Variants in PNKD observed in about 807,000 individuals in gnomAD.
PNKD encodes the protein probable thioesterase PNKD.
Under a neutral mutation model 45.3 loss-of-function variants are expected in PNKD, and 36 were observed. That is an observed-to-expected ratio of 0.80 (90% CI 0.61 to 1.05). PNKD has a LOEUF of 1.05. Ranked by LOEUF, PNKD falls within the 50% of genes least tolerant of loss-of-function variation. PNKD has a pLI of 0.00. For synonymous variants in PNKD, 197 were observed against 210.1 expected (o/e 0.94, Z 0.54); for missense variants, 511 against 506.6 (o/e 1.01, Z -0.08).
In PNKD at chr2:218,343,463, C is replaced by T. The variant is rs1694739801; in HGVS notation, c.782-37C>T. On this transcript the variant is annotated intron_variant, in intron 7 of 9. Coordinates refer to ENST00000273077, the MANE Select transcript of PNKD (RefSeq NM_015488.5). Reference sequence around the variant, plus strand: ...GTGCCTTATGCCATATTGTGTTATCCTGGCACCTTGTGACATACCCTCCAA... The same window carrying T: ...GTGCCTTATGCCATATTGTGTTATCTTGGCACCTTGTGACATACCCTCCAA... The T allele has an allele frequency of 2.6e-6, 4 of 1,512,294 alleles. No homozygotes were observed. In the South Asian group the frequency reaches 3.4e-5, roughly 13 times the overall value. 93.7% of individuals were successfully genotyped at this position (1,512,294 alleles called of 1,614,324 possible). A position where few individuals can be genotyped will look rare whatever the true frequency, so the allele number is the denominator to read the frequency against.
intron 2 of PNKD, among the ~76,000 whole-genome samples, chr2:218,307,684 C>G (rs1693458340): frequency 6.6e-6 from 1 of 152,224 alleles, no homozygotes; most frequent in African/African-American, 2.4e-5. Flanking sequence ...TTGGGGACCC[C>G]TACCGTGGGG....
intron 2 of PNKD, among the ~76,000 whole-genome samples, chr2:218,325,673 A>G (rs1694131044): frequency 6.6e-6 from 1 of 152,216 alleles, no homozygotes; most frequent in Non-Finnish European, 1.5e-5. Context: ...TCCATAAGGA[A>G]CTGGAATCAG....
rs1479188870 is a variant in PNKD, at chr2:218,346,792, G to A, written c.*1811G>A. ...TTGAATGAATGAATGATTTAATCAA[G>A]ACTTGATCACCCAACAGCTTGTCTT... On this transcript the variant is annotated 3_prime_UTR_variant, in exon 10 of 10. Transcript: ENST00000273077. 1 of 153,954 alleles carries A rather than the reference G, an allele frequency of 6.5e-6. No individual in the cohort carries two copies. Among genetic ancestry groups the A allele is most frequent in the Non-Finnish European group, 1.5e-5 (1 of 68,058 alleles). The allele number at this position is 153,954 out of a possible 1,614,324, so 9.5% of individuals were successfully genotyped here.
intron 2 of PNKD, chr2:218,292,655 A>T (rs1246786597): frequency 1.3e-5 from 2 of 152,120 alleles, no homozygotes; most frequent in Non-Finnish European, 2.9e-5. Flanking sequence ...AGCCCCGACG[A>T]CGCCTCACTA....
At position 218,346,421 on chromosome 2, in the gene PNKD, C is replaced by G. The variant is rs147528375; in HGVS notation, c.*1440C>G. ...TAGTTAGAGTTCCCCACTCACCAAG[C>G]AAGACATGCAGTTTCATGCCTCTGT... On this transcript the variant is annotated 3_prime_UTR_variant, in exon 10 of 10. Coordinates refer to ENST00000273077, the MANE Select transcript of PNKD (RefSeq NM_015488.5). The G allele has an allele frequency of 1.3e-5, 2 of 153,888 alleles. No individual in the cohort carries two copies. The highest frequency in any genetic ancestry group is 1.9e-4 in the East Asian group (1 of 5,188). 9.5% of individuals were successfully genotyped at this position (153,888 alleles called of 1,614,324 possible). A position where few individuals can be genotyped will look rare whatever the true frequency, so the allele number is the denominator to read the frequency against.
At chr2:218,310,458 G>A (rs998688448) in intron 2 of PNKD, among the ~76,000 whole-genome samples, 4 of 151,678 alleles carry the variant, frequency 2.6e-5, no homozygotes, top group African/African-American at 9.7e-5. Flanking sequence ...TCCTGACCTT[G>A]TTATCCCCCC....
chr2:218,289,005 GAT>G (rs1692738819), intron 2 of PNKD, among the ~76,000 whole-genome samples: 2 of 152,210 alleles, frequency 1.3e-5, no homozygotes, highest in Non-Finnish European at 2.9e-5. Flanking sequence ...AAACAGCAGA[GAT>G]GAGTTTAAGC....
At chr2:218,277,961 A>G (rs1277416155) in intron 2 of PNKD, 3 of 1,614,222 alleles carry the variant, frequency 1.9e-6, no homozygotes, top group Non-Finnish European at 2.5e-6. Context: ...ATGATGTTCC[A>G]TGGGAAACGG....
At chr2:218,334,107 T>C (rs1368586235) in intron 2 of PNKD, among the ~76,000 whole-genome samples, 1 of 151,308 alleles carries the variant, frequency 6.6e-6, no homozygotes, top group African/African-American at 2.4e-5. Flanking sequence ...AGAGCAAGTC[T>C]CAGTCTAAAA....
chr2:218,271,447 G>A lies in PNKD; in HGVS notation c.134G>A (p.Ser45Asn). ...AGGACCCGGGCCCTGCAAAGCCACA[G>A]CTCCCCAGAGGGCAAGGAGGAACCT... Reference protein sequence around the residue: ...HNRTRALQSHSSPEGKEEPEP... With the variant: ...HNRTRALQSHNSPEGKEEPEP... Residue 45 changes from serine (S) to asparagine (N), a missense_variant, in exon 2 of 10, where the codon AGC becomes AAC. Ser to Asn is a conservative substitution (Grantham distance 46, BLOSUM62 1). Coordinates refer to ENST00000273077, the MANE Select transcript of PNKD (RefSeq NM_015488.5). 6.2e-7 allele frequency: 1 copy of A among 1,614,116 alleles called. No individual in the cohort carries two copies. The highest frequency in any genetic ancestry group is 2.2e-5 in the East Asian group (1 of 44,886).
At chr2:218,277,404 C>A in intron 2 of PNKD, 2 of 1,614,140 alleles carry the variant, frequency 1.2e-6, no homozygotes, top group Non-Finnish European at 8.5e-7. Context: ...GAAATGGATA[C>A]CACCGCAGTG....
In PNKD at chr2:218,312,667, G is replaced by C. The variant is rs113659191; in HGVS notation, c.237-27116G>C. Among the ~76,000 whole-genome samples the C allele has an allele frequency of 1.9e-3, 291 of 151,868 alleles. 1 individual carries two copies. The highest frequency in any genetic ancestry group is 6.8e-3 in the African/African-American group (282 of 41,424). ...GTAGGTGGATCCCCTGAGCTCAGAAGTTCGAGACCAGCCTTGCCAACATGG... is the reference window on the plus strand; with the variant it reads ...GTAGGTGGATCCCCTGAGCTCAGAACTTCGAGACCAGCCTTGCCAACATGG... On this transcript the variant is annotated intron_variant, in intron 2 of 9. Coordinates refer to ENST00000273077, the MANE Select transcript of PNKD (RefSeq NM_015488.5).
chr2:218,281,277 A>C (rs1325403467), intron 2 of PNKD, among the ~76,000 whole-genome samples: 1 of 151,424 alleles, frequency 6.6e-6, no homozygotes, highest in Non-Finnish European at 1.5e-5. Flanking sequence ...CTGGGATTAC[A>C]GGTGCACGCC....
In PNKD at chr2:218,344,894, GCCGGGCCCCACTGGGGATGATGACTACTC is replaced by G; in HGVS notation, c.1080_1108del (p.Thr361AlafsTer44). The stretch of plus-strand genomic sequence containing the variant: ...CGCTACAGGAGGCTCTGGGGCCGGG[GCCGGGCCCCACTGGGGATGATGACTACTC>G]CCGGGCCCAGCTCCTGGAAGAGCTC... On this transcript the variant is annotated frameshift_variant, in exon 10 of 10. Transcript: ENST00000273077. LOFTEE classifies it high-confidence loss of function. 1 of 1,613,550 alleles carries G rather than the reference GCCGGGCCCCACTGGGGATGATGACTACTC, an allele frequency of 6.2e-7. No homozygotes were observed. The highest frequency in any genetic ancestry group is 8.5e-7 in the Non-Finnish European group (1 of 1,179,482).
intron 2 of PNKD, among the ~76,000 whole-genome samples, chr2:218,305,210 C>G (rs1222569486): frequency 3.9e-5 from 6 of 152,156 alleles, no homozygotes; most frequent in African/African-American, 1.4e-4. Context: ...GTTCTTCCTT[C>G]CCACACAACA....
At chr2:218,295,584 T>TA (rs1693122521) in intron 2 of PNKD, among the ~76,000 whole-genome samples, 1 of 151,442 alleles carries the variant, frequency 6.6e-6, no homozygotes, top group South Asian at 2.1e-4. Context: ...GCAAGGGACT[T>TA]AGGGCCAGTT....
intron 2 of PNKD, chr2:218,323,248 G>A (rs755428744): frequency 5.4e-5 from 79 of 1,468,974 alleles, no homozygotes; most frequent in Non-Finnish European, 5.9e-5. Flanking sequence ...CCGCCCGGCC[G>A]GCGCGTGCCT....
At chr2:218,296,316 A>C (rs1013883926) in intron 2 of PNKD, among the ~76,000 whole-genome samples, 2 of 152,194 alleles carry the variant, frequency 1.3e-5, no homozygotes. Flanking sequence ...CCATGGCTGC[A>C]GGAAGAGGGG....
intron 2 of PNKD, among the ~76,000 whole-genome samples, chr2:218,295,977 C>A (rs1445990243): frequency 6.6e-6 from 1 of 151,792 alleles, no homozygotes; most frequent in Non-Finnish European, 1.5e-5. Context: ...TCTCAAGTAG[C>A]TGGGACTACA....
Sources: gnomAD v4.1 joint callset for allele counts (sites outside exome capture counted in the v4.1 genomes callset) on GRCh38, gnomAD v4.1.1 for gene constraint, MANE v1.5 for transcripts, NCBI Gene and HGNC (gene_info 2026-07-23, HGNC 2026-07-21) for gene names.